The following PDZD2 variants were observed in gnomAD, a reference collection of about 807,000 sequenced individuals.
PDZD2 encodes the protein PDZ domain-containing protein 2.
Under a neutral mutation model 220.7 loss-of-function variants are expected in PDZD2, and 90 were observed. The observed-to-expected ratio is 0.41, with a 90% CI of 0.34 to 0.49. The LOEUF (loss-of-function observed/expected upper bound fraction) is 0.49. Among genes scored for constraint, PDZD2 ranks in the 20% least tolerant of loss-of-function variants. PDZD2 has a pLI of 0.28. For missense variants in PDZD2, 3,174 were observed against 3,608.5 expected (o/e 0.88, Z 3.08); for synonymous variants, 1,375 against 1,450.5 (o/e 0.95, Z 1.18).
rs386686880 is a variant in PDZD2, at chr5:31,767,929, CT to C, written c.-360-30958del. 9.7e-3 allele frequency among the ~76,000 whole-genome samples: 1,483 copies of C among 152,368 alleles called. 20 individuals are homozygous for C. The highest frequency in any genetic ancestry group is 0.034 in the African/African-American group (1,409 of 41,578). On this transcript the variant is annotated intron_variant, in intron 1 of 24. Coordinates refer to ENST00000438447, the MANE Select transcript of PDZD2 (RefSeq NM_178140.4). The stretch of plus-strand genomic sequence containing the variant: ...TTGCCAAATATTTTTTGGTAACATA[CT>C]TGAAAGCAAAGTGATAAATTGGGAA...
At chr5:32,038,043 C>T (rs907565777) in intron 7 of PDZD2, among the ~76,000 whole-genome samples, 5 of 150,618 alleles carry the variant, frequency 3.3e-5, no homozygotes, top group African/African-American at 1.2e-4. Flanking sequence ...AAGGTTTCAC[C>T]ATGTTGGCCA....
intron 2 of PDZD2, among the ~76,000 whole-genome samples, chr5:31,926,742 A>G (rs1375401766): frequency 3.3e-5 from 5 of 152,150 alleles, no homozygotes; most frequent in Admixed American, 3.3e-4. Flanking sequence ...AAAACAAATC[A>G]TCCTGTCAAA....
chr5:31,934,688 CA>C (rs1390495222), intron 2 of PDZD2, among the ~76,000 whole-genome samples: 3 of 147,764 alleles, frequency 2.0e-5, no homozygotes. Flanking sequence ...GAAGCAATTT[CA>C]AAAATGTCTC....
At chr5:31,719,094 A>C (rs538609938) in intron 1 of PDZD2, among the ~76,000 whole-genome samples, 5 of 152,194 alleles carry the variant, frequency 3.3e-5, no homozygotes, top group Non-Finnish European at 5.9e-5. Flanking sequence ...CAACATATGA[A>C]TTTGTGGCAG....
chr5:31,863,028 G>A (rs370260679), intron 2 of PDZD2, among the ~76,000 whole-genome samples: 1 of 152,174 alleles, frequency 6.6e-6, no homozygotes, highest in South Asian at 2.1e-4. Context: ...ACAGGCGTGA[G>A]CCATGGCGCC....
intron 2 of PDZD2, among the ~76,000 whole-genome samples, chr5:31,865,836 TTAGCCAGGATGG>T (rs1219439050): frequency 1.3e-5 from 2 of 151,430 alleles, no homozygotes; most frequent in Non-Finnish European, 2.9e-5. Context: ...TTTCACCGTG[TTAGCCAGGATGG>T]TCTCGATCTC....
At chr5:31,850,054 GTATA>G (rs1290279927) in intron 2 of PDZD2, among the ~76,000 whole-genome samples, 1 of 131,624 alleles carries the variant, frequency 7.6e-6, no homozygotes, top group African/African-American at 2.8e-5. Flanking sequence ...ATATATACGT[GTATA>G]TATAAGTATA....
At chr5:32,079,503 T>C (rs1289893334) in intron 19 of PDZD2, among the ~76,000 whole-genome samples, 1 of 151,742 alleles carries the variant, frequency 6.6e-6, no homozygotes, top group African/African-American at 2.4e-5. Flanking sequence ...TTTTTAGGGC[T>C]GTCCTACAAA....
intron 1 of PDZD2, among the ~76,000 whole-genome samples, chr5:31,656,811 C>A (rs1745565471): frequency 6.6e-6 from 1 of 152,154 alleles, no homozygotes. Flanking sequence ...CTTTTAGGGG[C>A]TCTAAGAGGA....
chr5:32,042,587 A>G (rs748693796), intron 7 of PDZD2, among the ~76,000 whole-genome samples: 4 of 152,138 alleles, frequency 2.6e-5, no homozygotes, highest in Non-Finnish European at 4.4e-5. Context: ...GAAAAAGAAA[A>G]AAAAGAATGT....
intron 1 of PDZD2, among the ~76,000 whole-genome samples, chr5:31,782,315 G>A (rs1488523324): frequency 6.6e-6 from 1 of 152,102 alleles, no homozygotes; most frequent in Non-Finnish European, 1.5e-5. Context: ...ACAATATTTG[G>A]AGCATACTTA....
chr5:31,841,309 A>G (rs1757288197), intron 2 of PDZD2, among the ~76,000 whole-genome samples: 1 of 152,110 alleles, frequency 6.6e-6, no homozygotes, highest in Admixed American at 6.6e-5. Flanking sequence ...TCTACCACTT[A>G]CCAAATGTGT....
rs900114201 is a variant in PDZD2, at chr5:31,678,104, G to A, written c.-361+38667G>A. On this transcript the variant is annotated intron_variant, in intron 1 of 24. Transcript: ENST00000438447. ...ATACATCAGTAAAGGTCTTTATAAG[G>A]ACTCCAGACATGGGGGACAGATGGT... Among the ~76,000 whole-genome samples, 4 of 152,160 alleles carry A rather than the reference G, an allele frequency of 2.6e-5. No homozygotes were observed. The South Asian group carries it at 8.3e-4, about 32-fold the overall frequency.
rs1171831084 is a variant in PDZD2, at chr5:31,639,821, G to A, written c.-361+384G>A. Among the ~76,000 whole-genome samples, 1 of 152,232 alleles carries A rather than the reference G, an allele frequency of 6.6e-6. No homozygotes were observed. The highest frequency in any genetic ancestry group is 1.5e-5 in the Non-Finnish European group (1 of 68,038). The stretch of plus-strand genomic sequence containing the variant: ...TCTGGTCCCTTCCTCCGACAGGAGT[G>A]GAGGTACTCAGGTACTCCGGCCTCA... On this transcript the variant is annotated intron_variant, in intron 1 of 24. Coordinates refer to ENST00000438447, the MANE Select transcript of PDZD2 (RefSeq NM_178140.4). This position sits in a 1 kb window ranked among gnomAD's most constrained non-coding sequence, Gnocchi z 4.1.
chr5:31,881,357 TG>T (rs1460616305), intron 2 of PDZD2, among the ~76,000 whole-genome samples: 3 of 144,220 alleles, frequency 2.1e-5, no homozygotes, highest in Non-Finnish European at 4.5e-5. Flanking sequence ...TGTGTGTGTG[TG>T]TGTGTGTGTG....
At chr5:31,664,609 C>A (rs1745910664) in intron 1 of PDZD2, among the ~76,000 whole-genome samples, 1 of 152,206 alleles carries the variant, frequency 6.6e-6, no homozygotes. Flanking sequence ...CATACGACGG[C>A]AGAGACCATC....
intron 1 of PDZD2, among the ~76,000 whole-genome samples, chr5:31,753,065 G>A (rs1315179996): frequency 6.6e-6 from 1 of 152,170 alleles, no homozygotes; most frequent in African/African-American, 2.4e-5. Context: ...AGCAGCTGCT[G>A]TAGGACACTT....
intron 2 of PDZD2, among the ~76,000 whole-genome samples, chr5:31,924,284 T>C (rs1052438462): frequency 6.6e-6 from 1 of 152,200 alleles, no homozygotes; most frequent in Admixed American, 6.5e-5. Flanking sequence ...GCCATTTGGC[T>C]TGTTCTCCCT....
At chr5:31,891,074 C>G (rs565944359) in intron 2 of PDZD2, among the ~76,000 whole-genome samples, 1 of 151,446 alleles carries the variant, frequency 6.6e-6, no homozygotes. Flanking sequence ...CCTTCTCATT[C>G]TCGCTGCTTC....
Sources: allele counts gnomAD v4.1 joint callset (sites outside exome capture counted in the v4.1 genomes callset), GRCh38; gene constraint gnomAD v4.1.1; non-coding constraint Gnocchi (gnomAD v3.1); transcripts MANE v1.5; gene names NCBI Gene and HGNC (gene_info 2026-07-23, HGNC 2026-07-21).